The following IZUMO3 variants were observed in gnomAD, a reference collection of about 807,000 sequenced individuals.
The protein encoded by IZUMO3 is IZUMO family member 3.
A neutral mutation model predicts 28.4 loss-of-function variants in IZUMO3; 36 were observed. That is an observed-to-expected ratio of 1.27 (90% confidence interval 0.97 to 1.67). The LOEUF (loss-of-function observed/expected upper bound fraction) is 1.67, where lower values mean the gene tolerates loss of function less well. Among genes scored for constraint, IZUMO3 ranks in the 40% most tolerant of loss-of-function variants. The pLI is 0.00. For missense variants in IZUMO3, 387 were observed against 278.5 expected (o/e 1.39, Z -2.77); for synonymous variants, 126 against 99.2 (o/e 1.27, Z -1.61).
At chr9:24,543,640 T>C in intron 6 of IZUMO3, 24 bp downstream of exon 6, 1 of 1,474,734 alleles carries the variant, frequency 6.8e-7, no homozygotes, top group Non-Finnish European at 9.3e-7. Flanking sequence ...TGACCCAGTG[T>C]TTATTTGGAG....
Position 24,543,346 on chromosome 9 carries a change from A to T in IZUMO3, c.603T>A (p.His201Gln), listed in dbSNP as rs759791458. 1.3e-6 allele frequency: 2 copies of T among 1,543,224 alleles called. No individual in the cohort carries two copies. The highest frequency in any genetic ancestry group is 1.7e-6 in the Non-Finnish European group (2 of 1,143,488). Residue 201 changes from histidine (H) to glutamine (Q), a missense_variant, in exon 7 of 7, where the codon CAT becomes CAA. Physicochemically the swap from His to Gln is conservative, Grantham distance 24. Transcript: ENST00000543880. ...AVLLFHFCIF[H>Q]RRKMKAIRRS... ...TTCGTATTGCCTTCATTTTCCTCCGATGAAAGATGCAAAAATGGAATCTAG... is the reference window on the plus strand; with the variant it reads ...TTCGTATTGCCTTCATTTTCCTCCGTTGAAAGATGCAAAAATGGAATCTAG...
At chr9:24,544,840 A>G in intron 3 of IZUMO3, 80 bp from the exon 4 acceptor site, 2 of 1,433,744 alleles carry the variant, frequency 1.4e-6, no homozygotes, top group Non-Finnish European at 1.9e-6. Flanking sequence ...GTCTTTGTTT[A>G]CCCTTTAAGT....
At position 24,543,319 on chromosome 9, in the gene IZUMO3, C is replaced by T. The variant is rs772663360; in HGVS notation, c.630G>A (p.Arg210=). ...FHRRKMKAIR[R]SLKEYVEKKL... ...TCTTCTCCACATATTCCTTTAGCGA[C>T]CTTCGTATTGCCTTCATTTTCCTCC... The change falls in exon 7 of 7, where the codon AGG becomes AGA. Residue 210 remains arginine, a synonymous_variant. Coordinates refer to ENST00000543880, the MANE Select transcript of IZUMO3 (RefSeq NM_001365008.2). 3.2e-6 allele frequency: 5 copies of T among 1,548,722 alleles called. No individual in the cohort carries two copies. In the Admixed American group the frequency reaches 7.9e-5, roughly 24 times the overall value.
At position 24,545,136 on chromosome 9, in the gene IZUMO3, T is replaced by C. The variant is rs535338498; in HGVS notation, c.302-75A>G. The C allele has an allele frequency of 2.1e-5, 32 of 1,494,414 alleles. No individual in the cohort carries two copies. In the East Asian group the frequency reaches 6.4e-4, roughly 30 times the overall value. 92.6% of individuals were successfully genotyped at this position (1,494,414 alleles called of 1,614,324 possible). A position where few individuals can be genotyped will look rare whatever the true frequency, so the allele number is the denominator to read the frequency against. On this transcript the variant is annotated intron_variant, in intron 2 of 6. Transcript: ENST00000543880. The stretch of plus-strand genomic sequence containing the variant: ...CAGAAGTTAATTATGTCTGTTTTTA[T>C]CTTTGTTTTCCCCAGCCAAATTTTC...
At chr9:24,543,887 T>A in intron 5 of IZUMO3, 133 bp from the exon 6 acceptor site, 1 of 658,346 alleles carries the variant, frequency 1.5e-6, no homozygotes, top group Admixed American at 2.6e-5. Flanking sequence ...TCCATGCTTA[T>A]TTTGACCTTT....
Position 24,545,633 on chromosome 9 carries a change from A to G in IZUMO3, c.17T>C (p.Leu6Ser). 1.3e-6 allele frequency: 2 copies of G among 1,535,224 alleles called. No homozygotes were observed. Among genetic ancestry groups the G allele is most frequent in the Non-Finnish European group, 1.7e-6 (2 of 1,146,666 alleles). Residue 6 changes from leucine (L) to serine (S), a missense_variant, in exon 1 of 7, where the codon TTA (leucine) becomes TCA (serine). Physicochemically the swap from Leu to Ser is moderately radical, Grantham distance 145. Coordinates refer to ENST00000543880, the MANE Select transcript of IZUMO3 (RefSeq NM_001365008.2). MGDLWLFLLLPLSAFH... is the reference protein window; with the variant it reads MGDLWSFLLLPLSAFH... The stretch of plus-strand genomic sequence containing the variant: ...GGCTGAGAGGGGCAGGAGCAGGAAT[A>G]ACCACAGGTCACCCATTTCTTTCTT...
At chr9:24,545,375 C>T (rs994745846) in intron 1 of IZUMO3, 49 bp downstream of exon 1, 1 of 1,547,378 alleles carries the variant, frequency 6.5e-7, no homozygotes, top group East Asian at 2.4e-5. Flanking sequence ...TCCTTGCCTC[C>T]CTTCTCCGTT....
chr9:24,543,410 G>A, intron 6 of IZUMO3, 43 bp from the exon 7 acceptor site: 1 of 565,704 alleles, frequency 1.8e-6, no homozygotes, highest in Non-Finnish European at 2.7e-6. Context: ...AATATCAGTA[G>A]CCCCATTCTT....
intron 4 of IZUMO3, 140 bp from the exon 5 acceptor site, chr9:24,544,421 T>G: frequency 1.4e-6 from 1 of 696,120 alleles, no homozygotes; most frequent in South Asian, 1.8e-5. Context: ...CTTCTTCTCC[T>G]AGAAATCAAG....
In IZUMO3 at chr9:24,543,438, G is replaced by GTTTTTTTTTTTTTT. The variant is rs33972842; in HGVS notation, c.582-85_582-72dup. ...CCATTCTTTAAGCCAGTTATACATT[G>GTTTTTTTTTTTTTT]TTTTTTTTTTTTTTTTTTTTTTTTT... On this transcript the variant is annotated intron_variant, in intron 6 of 6. Coordinates refer to ENST00000543880, the MANE Select transcript of IZUMO3 (RefSeq NM_001365008.2). 15 of 37,810 alleles carry GTTTTTTTTTTTTTT rather than the reference G, an allele frequency of 4.0e-4. 3 individuals are homozygous for GTTTTTTTTTTTTTT. Among genetic ancestry groups the GTTTTTTTTTTTTTT allele is most frequent in the Admixed American group, 1.2e-3 (2 of 1,628 alleles). The allele number at this position is 37,810 out of a possible 1,614,324, so 2.3% of individuals were successfully genotyped here.
At chr9:24,544,011 G>A (rs1206634242) in intron 5 of IZUMO3, among the ~76,000 whole-genome samples, 190 bp downstream of exon 5, 1 of 152,008 alleles carries the variant, frequency 6.6e-6, no homozygotes, top group African/African-American at 2.4e-5. Context: ...CAGCCTTTCA[G>A]TTGATTCAGT....
intron 3 of IZUMO3, 57 bp downstream of exon 3, chr9:24,544,915 G>A (rs760383386): frequency 2.8e-5 from 38 of 1,381,238 alleles, no homozygotes; most frequent in African/African-American, 5.8e-5. Flanking sequence ...CCCTCATCCC[G>A]CATTTTCTAT....
At position 24,545,275 on chromosome 9, in the gene IZUMO3, C is replaced by A; in HGVS notation, c.238G>T (p.Val80Phe). The A allele has an allele frequency of 6.5e-7, 1 of 1,550,262 alleles. No homozygotes were observed. Among genetic ancestry groups the A allele is most frequent in the Non-Finnish European group, 8.7e-7 (1 of 1,146,774 alleles). Residue 80 changes from valine (V) to phenylalanine (F), a missense_variant, in exon 2 of 7, where the codon GTT becomes TTT. Transcript: ENST00000543880. ...KRLRVLAVQQ[V>F]VKLRTWLKNE... ...TTCAACCATGTTCTCAACTTAACAA[C>A]CTGCTGAACAGCTAGAGAGGGAGAG...
Position 24,543,180 on chromosome 9 carries a change from G to A in IZUMO3, c.*49C>T, listed in dbSNP as rs771363615. 1.8e-4 allele frequency: 264 copies of A among 1,455,404 alleles called. No homozygotes were observed. The highest frequency in any genetic ancestry group is 2.4e-4 in the Non-Finnish European group (261 of 1,091,144). The allele number at this position is 1,455,404 out of a possible 1,614,324, so 90.2% of individuals were successfully genotyped here. ...TTTACCTCCCAGTTTTGTACTTAGA[G>A]TCAACACTTAAGAGAATCATGAAAG... On this transcript the variant is annotated 3_prime_UTR_variant, in exon 7 of 7. Coordinates refer to ENST00000543880, the MANE Select transcript of IZUMO3 (RefSeq NM_001365008.2).
Position 24,544,286 on chromosome 9 carries a change from TAA to T in IZUMO3, c.410-7_410-6del, listed in dbSNP as rs1355712922. 1 of 1,544,270 alleles carries T rather than the reference TAA, an allele frequency of 6.5e-7. No homozygotes were observed. The highest frequency in any genetic ancestry group is 1.2e-5 in the South Asian group (1 of 83,910). ...GAATGGGACCTTCAACCACAACTGA[TAA>T]AGAGGAGAAGAAAGATAATCAGAAA... On this transcript the variant is annotated splice_region_variant and splice_polypyrimidine_tract_variant and intron_variant, in intron 4 of 6. Transcript: ENST00000543880.
chr9:24,543,605 G>C, intron 6 of IZUMO3, 59 bp downstream of exon 6: 1 of 1,245,778 alleles, frequency 8.0e-7, no homozygotes, highest in Non-Finnish European at 1.1e-6. Context: ...GGGAATTTGG[G>C]CAGTCTCTTG....
Position 24,545,794 on chromosome 9 carries a change from G to A in IZUMO3, c.-145C>T, listed in dbSNP as rs2117962000. ...CCCGCTGTTTCCATCCCACTATCGG[G>A]CAATCTTTAGTTGTTTAGTTTAATG... On this transcript the variant is annotated 5_prime_UTR_variant, in exon 1 of 7. Transcript: ENST00000543880. The A allele has an allele frequency of 1.3e-6, 2 of 1,540,218 alleles. No individual in the cohort carries two copies. The highest frequency in any genetic ancestry group is 1.8e-6 in the Non-Finnish European group (2 of 1,142,812).
rs747275573 is a variant in IZUMO3 at position 24,543,326 on chromosome 9, A to G, written c.623T>C (p.Ile208Thr). The change falls in exon 7 of 7, where the codon ATA becomes ACA. Residue 208 changes from isoleucine (I) to threonine (T), a missense_variant. Ile to Thr is a moderately conservative substitution (Grantham distance 89). Transcript: ENST00000543880. ...CACATATTCCTTTAGCGACCTTCGT[A>G]TTGCCTTCATTTTCCTCCGATGAAA... ...CIFHRRKMKA[I>T]RRSLKEYVEK... 6.5e-7 allele frequency: 1 copy of G among 1,544,136 alleles called. No homozygotes were observed. The highest frequency in any genetic ancestry group is 8.7e-7 in the Non-Finnish European group (1 of 1,144,548).
chr9:24,544,893 C>A, intron 3 of IZUMO3, 79 bp downstream of exon 3: 1 of 1,339,670 alleles, frequency 7.5e-7, no homozygotes, highest in South Asian at 1.3e-5. Context: ...CTATTATGAA[C>A]TTGCATTTCT....
Sources: gnomAD v4.1 joint callset for allele counts (sites outside exome capture counted in the v4.1 genomes callset) on GRCh38, gnomAD v4.1.1 for gene constraint, MANE v1.5 for transcripts, NCBI Gene and HGNC (gene_info 2026-07-23, HGNC 2026-07-21) for gene names.